CPQ: variants seen among roughly 807,000 people sequenced by gnomAD.
CPQ encodes the protein carboxypeptidase Q.
Under a neutral mutation model 45.7 loss-of-function variants are expected in CPQ, and 37 were observed. The observed-to-expected ratio is 0.81, with a 90% confidence interval of 0.62 to 1.07. The LOEUF is 1.07. Ranked by LOEUF, CPQ falls within the 50% of genes least tolerant of loss-of-function variation. The pLI is 0.00. For synonymous variants in CPQ, 186 were observed against 205.8 expected (o/e 0.90, Z 0.82); for missense variants, 537 against 572.9 (o/e 0.94, Z 0.64).
intron 5 of CPQ, among the ~76,000 whole-genome samples, chr8:97,022,003 C>T (rs935580544): frequency 4.6e-5 from 7 of 152,088 alleles, no homozygotes; most frequent in African/African-American, 7.2e-5. Context: ...GCCATAGTCA[C>T]CAAAACAGCA....
chr8:96,822,883 G>C (rs1006723542), intron 2 of CPQ, among the ~76,000 whole-genome samples: 5 of 152,018 alleles, frequency 3.3e-5, no homozygotes, highest in Admixed American at 3.3e-4. Context: ...ATACAAAGAA[G>C]TTTTCTGTCC....
chr8:97,044,744 G>A (rs930093626), intron 6 of CPQ, among the ~76,000 whole-genome samples: 2 of 152,196 alleles, frequency 1.3e-5, no homozygotes, highest in Admixed American at 6.5e-5. Context: ...TTTGCTAGAG[G>A]TCCACTCCCG....
chr8:97,017,693 A>T (rs1809606240), intron 5 of CPQ, among the ~76,000 whole-genome samples: 1 of 152,138 alleles, frequency 6.6e-6, no homozygotes, highest in Non-Finnish European at 1.5e-5. Context: ...TAATCCTTCT[A>T]GGAACATAAC....
At chr8:96,850,579 TTTTATTTTATTTATTTA>T (rs1357991300) in intron 3 of CPQ, among the ~76,000 whole-genome samples, 2 of 144,596 alleles carry the variant, frequency 1.4e-5, no homozygotes, top group African/African-American at 5.1e-5. Flanking sequence ...TTTTATTTTA[TTTTATTTTATTTATTTA>T]TTTATTTATT....
At chr8:96,837,589 C>T (rs916306480) in intron 3 of CPQ, among the ~76,000 whole-genome samples, 12 of 152,032 alleles carry the variant, frequency 7.9e-5, no homozygotes, top group Admixed American at 1.3e-4. Context: ...ACCTGTGTAT[C>T]CTCATCATGC....
chr8:96,849,141 A>G (rs1811738712), intron 3 of CPQ, among the ~76,000 whole-genome samples: 1 of 152,200 alleles, frequency 6.6e-6, no homozygotes, highest in African/African-American at 2.4e-5. Context: ...TTTGAGCTCT[A>G]CAATCACAGG....
At chr8:96,824,492 AT>A (rs1292055089) in intron 2 of CPQ, among the ~76,000 whole-genome samples, 4 of 152,002 alleles carry the variant, frequency 2.6e-5, no homozygotes, top group Non-Finnish European at 5.9e-5. Flanking sequence ...TACACACATC[AT>A]TTTTTTATTT....
chr8:97,005,499 C>T (rs1189722477), intron 5 of CPQ, among the ~76,000 whole-genome samples: 2 of 151,686 alleles, frequency 1.3e-5, no homozygotes, highest in East Asian at 2.0e-4. Context: ...CCCAGGAGTT[C>T]GAGACTACCC....
intron 1 of CPQ, among the ~76,000 whole-genome samples, chr8:96,773,215 T>C (rs963814950): frequency 1.3e-5 from 2 of 152,188 alleles, no homozygotes; most frequent in Non-Finnish European, 2.9e-5. Context: ...ATTCATGTAT[T>C]CTATAAATAT....
At chr8:96,745,523 T>G (rs1810168210) in intron 1 of CPQ, among the ~76,000 whole-genome samples, 1 of 152,154 alleles carries the variant, frequency 6.6e-6, no homozygotes, top group African/African-American at 2.4e-5. Flanking sequence ...TGCTAAATAC[T>G]TTTCACATAT....
intron 7 of CPQ, among the ~76,000 whole-genome samples, chr8:97,074,027 A>G (rs1409374517): frequency 1.3e-5 from 2 of 152,218 alleles, no homozygotes; most frequent in African/African-American, 4.8e-5. Context: ...ATCTTGCCCA[A>G]AGCAGACCTG....
intron 3 of CPQ, among the ~76,000 whole-genome samples, chr8:96,872,189 T>A (rs1812079249): frequency 6.6e-6 from 1 of 151,924 alleles, no homozygotes; most frequent in Non-Finnish European, 1.5e-5. Flanking sequence ...GTCTTAAACA[T>A]ACAGTTCACT....
In CPQ at chr8:96,887,354, T is replaced by C. The variant is rs536526306; in HGVS notation, c.849+7349T>C. ...TAGTACATTAACCTGTTGAGGACAC[T>C]GGTGAGAGGAGACTCCTGAGAGCGA... is the stretch of plus-strand genomic sequence containing the variant. On this transcript the variant is annotated intron_variant, in intron 4 of 7. Transcript: ENST00000220763. Among the ~76,000 whole-genome samples, 12 of 152,322 alleles carry C rather than the reference T, an allele frequency of 7.9e-5. 1 individual carries two copies. In the South Asian group the frequency reaches 2.3e-3, roughly 29 times the overall value.
chr8:97,021,702 G>T (rs1809688265), intron 5 of CPQ, among the ~76,000 whole-genome samples: 1 of 152,158 alleles, frequency 6.6e-6, no homozygotes, highest in African/African-American at 2.4e-5. Context: ...ACTGCTGAAA[G>T]AAATCATAGA....
At chr8:96,713,046 T>C (rs1228466238) in intron 1 of CPQ, among the ~76,000 whole-genome samples, 4 of 152,190 alleles carry the variant, frequency 2.6e-5, no homozygotes, top group African/African-American at 9.7e-5. Flanking sequence ...GCCACCAGTC[T>C]CTTTGTGTAC....
At chr8:96,761,687 T>C (rs1189382127) in intron 1 of CPQ, among the ~76,000 whole-genome samples, 1 of 152,232 alleles carries the variant, frequency 6.6e-6, no homozygotes, top group Non-Finnish European at 1.5e-5. Context: ...TAAGCCTCTT[T>C]CTCATCTTTT....
rs534201236 is a variant in CPQ, at chr8:96,795,634, T to A, written c.433+10304T>A. 2.3e-3 allele frequency among the ~76,000 whole-genome samples: 348 copies of A among 152,332 alleles called. 4 individuals carry two copies. Among genetic ancestry groups the A allele is most frequent in the African/African-American group, 8.2e-3 (340 of 41,580 alleles). Reference sequence around the variant, plus strand: ...TACCACATACTAGTAAATATCTTTTTAAATAAGTTTTAATGGCTACCAAAT... The same window carrying A: ...TACCACATACTAGTAAATATCTTTTAAAATAAGTTTTAATGGCTACCAAAT... On this transcript the variant is annotated intron_variant, in intron 2 of 7. Coordinates refer to ENST00000220763, the MANE Select transcript of CPQ (RefSeq NM_016134.4).
At chr8:97,031,410 TCTC>T (rs1309498387) in intron 6 of CPQ, among the ~76,000 whole-genome samples, 1 of 152,026 alleles carries the variant, frequency 6.6e-6, no homozygotes, top group Non-Finnish European at 1.5e-5. Context: ...ACAGTCTCGA[TCTC>T]CTGACCTTGT....
At chr8:96,768,347 G>A (rs1313676215) in intron 1 of CPQ, among the ~76,000 whole-genome samples, 1 of 151,736 alleles carries the variant, frequency 6.6e-6, no homozygotes, top group Non-Finnish European at 1.5e-5. Flanking sequence ...AAAGGAATTG[G>A]CGCATTAATT....
Sources: gnomAD v4.1 joint callset for allele counts (sites outside exome capture counted in the v4.1 genomes callset) on GRCh38, gnomAD v4.1.1 for gene constraint, MANE v1.5 for transcripts, NCBI Gene and HGNC (gene_info 2026-07-23, HGNC 2026-07-21) for gene names.